Variants in CTDSP1 observed in about 807,000 individuals in gnomAD.
CTDSP1 encodes CTD small phosphatase 1, also known as carboxy-terminal domain RNA polymerase II polypeptide A small phosphatase 1.
A neutral mutation model predicts 32.5 loss-of-function variants in CTDSP1; 15 were observed. The observed-to-expected ratio is 0.46, with a 90% confidence interval of 0.31 to 0.71. The LOEUF is 0.71. Among genes scored for constraint, CTDSP1 ranks in the 30% least tolerant of loss-of-function variants. CTDSP1 has a pLI of 0.05. For missense variants in CTDSP1, 294 were observed against 351.1 expected (o/e 0.84, Z 1.30); for synonymous variants, 185 against 145.4 (o/e 1.27, Z -1.96).
In CTDSP1 at chr2:218,404,631, AGTG is replaced by A. The variant is rs1428745938; in HGVS notation, c.*207_*209del. 5 of 578,506 alleles carry A rather than the reference AGTG, an allele frequency of 8.6e-6. No homozygotes were observed. The highest frequency in any genetic ancestry group is 1.2e-5 in the Non-Finnish European group (4 of 335,456). The allele number at this position is 578,506 out of a possible 1,614,324, so 35.8% of individuals were successfully genotyped here. ...GACCGTGAGCTCCAGGCCCCGTGTCAGTGCCTTCAAACCTCCTCCCCTATTCTC... is the reference window on the plus strand; with the variant it reads ...GACCGTGAGCTCCAGGCCCCGTGTCACCTTCAAACCTCCTCCCCTATTCTC... On this transcript the variant is annotated 3_prime_UTR_variant, in exon 7 of 7. Coordinates refer to ENST00000273062, the MANE Select transcript of CTDSP1 (RefSeq NM_021198.3).
At chr2:218,400,291 G>C (rs1281761391) in intron 1 of CTDSP1, 134 bp downstream of exon 1, 4 of 815,196 alleles carry the variant, frequency 4.9e-6, no homozygotes, top group Non-Finnish European at 5.9e-6. Context: ...CCCAGCCCGA[G>C]AGGGAGCAGG....
intron 2 of CTDSP1, 42 bp downstream of exon 2, chr2:218,401,754 A>G (rs1697155569): frequency 6.6e-7 from 1 of 1,506,486 alleles, no homozygotes; most frequent in Non-Finnish European, 8.9e-7. Context: ...ACCTGGACTC[A>G]GTCTTCAGGG....
chr2:218,402,075 A>C, intron 2 of CTDSP1, 36 bp from the exon 3 acceptor site: 1 of 1,450,220 alleles, frequency 6.9e-7, no homozygotes, highest in Non-Finnish European at 9.6e-7. Flanking sequence ...CCAGGCCCGG[A>C]GAGAGGCACC....
upstream of CTDSP1, among the ~76,000 whole-genome samples, chr2:218,397,479 T>C: frequency 6.6e-6 from 1 of 152,096 alleles, no homozygotes; most frequent in Non-Finnish European, 1.5e-5. Context: ...CGCCTCCCCC[T>C]GGGTTGGGCT....
Position 218,402,116 on chromosome 2 carries a change from C to A in CTDSP1, c.222C>A (p.Thr74=). Residue 74 remains threonine, a synonymous_variant, in exon 3 of 7, where the codon ACC becomes ACA. Transcript: ENST00000273062. Reference sequence around the variant, plus strand: ...CAGCCCCGCCCTCCCTACAGCAGACCCCAGTCCAATACCTGCTCCCTGAGG... The same window carrying A: ...CAGCCCCGCCCTCCCTACAGCAGACACCAGTCCAATACCTGCTCCCTGAGG... ...VEENGAIPKQ[T]PVQYLLPEAK... 1.2e-6 allele frequency: 2 copies of A among 1,612,194 alleles called. No individual in the cohort carries two copies. Among genetic ancestry groups the A allele is most frequent in the Non-Finnish European group, 1.7e-6 (2 of 1,179,054 alleles).
In CTDSP1 at chr2:218,403,067, G is replaced by A. The variant is rs1472962963; in HGVS notation, c.411G>A (p.Glu137=). The change falls in exon 5 of 7, where the codon GAG becomes GAA. Residue 137 remains glutamate, a synonymous_variant. Transcript: ENST00000273062. ...VYVLKRPHVD[E]FLQRMGELFE... ...TGTTGAAGCGTCCTCACGTGGATGAGTTCCTGCAGCGAATGGGCGAGCTCT... is the reference window on the plus strand; with the variant it reads ...TGTTGAAGCGTCCTCACGTGGATGAATTCCTGCAGCGAATGGGCGAGCTCT... The A allele has an allele frequency of 3.7e-6, 6 of 1,614,140 alleles. No homozygotes were observed. The highest frequency in any genetic ancestry group is 2.7e-5 in the African/African-American group (2 of 75,048).
At chr2:218,403,646 C>G in intron 6 of CTDSP1, 1 of 449,462 alleles carries the variant, frequency 2.2e-6, no homozygotes, top group Non-Finnish European at 3.9e-6. Flanking sequence ...CACAGGGGCC[C>G]CCACAGGGCA....
At chr2:218,400,502 G>A in intron 1 of CTDSP1, 1 of 409,336 alleles carries the variant, frequency 2.4e-6, no homozygotes, top group Non-Finnish European at 4.7e-6. Context: ...GGGAGCTGAG[G>A]AGGGCGCCTA....
chr2:218,399,437 A>G (rs1187186181), upstream of CTDSP1: 2 of 152,188 alleles, frequency 1.3e-5, no homozygotes, highest in Non-Finnish European at 2.9e-5. Flanking sequence ...GATCTCTGCG[A>G]CCACCAGACA....
At position 218,399,870 on chromosome 2, in the gene CTDSP1, A is replaced by C. The variant is rs562849555; in HGVS notation, c.-221A>C. 8.0e-7 allele frequency: 1 copy of C among 1,242,956 alleles called. No homozygotes were observed. Among genetic ancestry groups the C allele is most frequent in the Non-Finnish European group, 1.0e-6 (1 of 993,138 alleles). 77.0% of individuals were successfully genotyped at this position (1,242,956 alleles called of 1,614,324 possible). ...AACGGCGCCTGGGTTCCATGTTTGCATCCGCCTCGCGGGAAGGAAACTCCA... is the reference window on the plus strand; with the variant it reads ...AACGGCGCCTGGGTTCCATGTTTGCCTCCGCCTCGCGGGAAGGAAACTCCA... On this transcript the variant is annotated 5_prime_UTR_variant, in exon 1 of 7. Transcript: ENST00000273062.
chr2:218,401,271 C>CTG lies in CTDSP1; in HGVS notation c.68-290_68-289dup, dbSNP rs200087917. 3,910 of 489,902 alleles carry CTG rather than the reference C, an allele frequency of 8.0e-3. 22 individuals are homozygous for CTG. The highest frequency in any genetic ancestry group is 0.011 in the Non-Finnish European group (3,049 of 268,632). 30.3% of individuals were successfully genotyped at this position (489,902 alleles called of 1,614,324 possible). A position where few individuals can be genotyped will look rare whatever the true frequency, so the allele number is the denominator to read the frequency against. The stretch of plus-strand genomic sequence containing the variant: ...GGCTGATCAGCAGCAGTCATGGAGG[C>CTG]TGTGAGAGGCAGGGAGAGAGCACCC... On this transcript the variant is annotated intron_variant, in intron 1 of 6. Transcript: ENST00000273062.
chr2:218,399,397 C>T (rs931473071), upstream of CTDSP1: 1 of 152,352 alleles, frequency 6.6e-6, no homozygotes, highest in African/African-American at 2.4e-5. Context: ...CCAGCAGAGC[C>T]TTCGCTGGCT....
upstream of CTDSP1, chr2:218,396,740 A>C (rs1239500151): frequency 6.6e-6 from 1 of 152,498 alleles, no homozygotes; most frequent in Non-Finnish European, 1.5e-5. Flanking sequence ...TTAGCGAAGA[A>C]AGGCATCTCC....
At chr2:218,401,504 C>G in intron 1 of CTDSP1, 60 bp from the exon 2 acceptor site, 1 of 1,592,516 alleles carries the variant, frequency 6.3e-7, no homozygotes, top group Non-Finnish European at 8.6e-7. Context: ...CCTGGGCACA[C>G]ATGCAGGATT....
chr2:218,397,645 G>A (rs1277139108), upstream of CTDSP1, among the ~76,000 whole-genome samples: 1 of 152,158 alleles, frequency 6.6e-6, no homozygotes, highest in African/African-American at 2.4e-5. Flanking sequence ...TTCCTGGGGT[G>A]CGAATGATAA....
chr2:218,405,374 A>G lies in CTDSP1; in HGVS notation c.*949A>G, dbSNP rs12472559. 6,826 of 152,532 alleles carry G rather than the reference A, an allele frequency of 0.045. 388 individuals carry two copies. The highest frequency in any genetic ancestry group is 0.13 in the African/African-American group (5,426 of 41,524). The allele number at this position is 152,532 out of a possible 1,614,324, so 9.4% of individuals were successfully genotyped here. A position where few individuals can be genotyped will look rare whatever the true frequency, so the allele number is the denominator to read the frequency against. On this transcript the variant is annotated 3_prime_UTR_variant, in exon 7 of 7. Coordinates refer to ENST00000273062, the MANE Select transcript of CTDSP1 (RefSeq NM_021198.3). ...CCAGGCCCTGTCCTCTGTCCCTCAC[A>G]CCCCTTTGCTCCGTTCATTCATTCA...
At chr2:218,398,614 C>G, upstream of CTDSP1, 1 of 532,174 alleles carries the variant, frequency 1.9e-6, no homozygotes, top group Non-Finnish European at 3.1e-6. Flanking sequence ...CCCGGCTCCC[C>G]CTCGGCAGGG....
Position 218,404,403 on chromosome 2 carries a change from G to A in CTDSP1, c.764G>A (p.Arg255Lys), listed in dbSNP as rs1279251876. The A allele has an allele frequency of 1.2e-6, 2 of 1,614,146 alleles. No individual in the cohort carries two copies. Among genetic ancestry groups the A allele is most frequent in the Non-Finnish European group, 1.7e-6 (2 of 1,180,008 alleles). The change falls in exon 7 of 7, where the codon AGG becomes AAG. Residue 255 changes from arginine (R) to lysine (K), a missense_variant. Physicochemically the swap from Arg to Lys is conservative, Grantham distance 26 (BLOSUM62 2). Coordinates refer to ENST00000273062, the MANE Select transcript of CTDSP1 (RefSeq NM_021198.3). The stretch of plus-strand genomic sequence containing the variant: ...GTGGACGACGTGTACTCAGTGCTCA[G>A]GCAGCCACGGCCAGGGAGCTAGTGA... ...SRVDDVYSVL[R>K]QPRPGS is the part of the protein sequence containing the mutation.
upstream of CTDSP1, among the ~76,000 whole-genome samples, chr2:218,397,442 T>C: frequency 6.6e-6 from 1 of 152,132 alleles, no homozygotes; most frequent in East Asian, 1.9e-4. Context: ...GCCTGCTGAA[T>C]GCACCCCGAC....
Sources: allele counts gnomAD v4.1 joint callset (sites outside exome capture counted in the v4.1 genomes callset), GRCh38; gene constraint gnomAD v4.1.1; transcripts MANE v1.5; gene names NCBI Gene and HGNC (gene_info 2026-07-23, HGNC 2026-07-21).